Variants in SHISA6 observed in about 807,000 individuals in gnomAD.
The protein encoded by SHISA6 is shisa family member 6.
Under a neutral mutation model 47.9 loss-of-function variants are expected in SHISA6, and 22 were observed. That is an observed-to-expected ratio of 0.46 (90% CI 0.33 to 0.66). The LOEUF (loss-of-function observed/expected upper bound fraction) is 0.66. SHISA6 is among the 30% of genes least tolerant of loss of function. The pLI is 0.02. For synonymous variants in SHISA6, 388 were observed against 337.8 expected, an observed-to-expected ratio of 1.15 and a Z score of -1.63; for missense variants, 680 against 764.6, an observed-to-expected ratio of 0.89 and a Z score of 1.30.
rs569085855 is a variant in SHISA6 at position 11,535,883 on chromosome 17, C to G, written c.896-16013C>G. 7.4e-3 allele frequency among the ~76,000 whole-genome samples: 658 copies of G among 88,956 alleles called. 7 individuals carry two copies. The highest frequency in any genetic ancestry group is 0.036 in the African/African-American group (642 of 17,818). The allele number at this position is 88,956 out of a possible 152,430, so 58.4% of individuals were successfully genotyped here. A position where few individuals can be genotyped will look rare whatever the true frequency, so the allele number is the denominator to read the frequency against. On this transcript the variant is annotated intron_variant, in intron 3 of 5. Transcript: ENST00000441885. The stretch of plus-strand genomic sequence containing the variant: ...AAAACAACAGTAGCTGATGGGAAAA[C>G]AATGTGTGTGTGTGTGTGTGTGTGG...
At chr17:11,369,552 C>A (rs1242806351) in intron 2 of SHISA6, among the ~76,000 whole-genome samples, 1 of 152,226 alleles carries the variant, frequency 6.6e-6, no homozygotes, top group African/African-American at 2.4e-5. Context: ...GCTAACACAC[C>A]ATGCATCTGC....
chr17:11,431,348 T>G (rs1914767062), intron 3 of SHISA6, among the ~76,000 whole-genome samples: 1 of 152,146 alleles, frequency 6.6e-6, no homozygotes, highest in African/African-American at 2.4e-5. Context: ...GAGCTGCCCT[T>G]TATGGCTCTG....
intron 2 of SHISA6, among the ~76,000 whole-genome samples, chr17:11,334,326 GA>G (rs750779559): frequency 7.3e-5 from 11 of 149,818 alleles, no homozygotes; most frequent in African/African-American, 2.2e-4. Context: ...TTGATGTAAG[GA>G]AAAAAAAAAT....
intron 2 of SHISA6, among the ~76,000 whole-genome samples, chr17:11,333,730 G>T (rs1416183402): frequency 6.6e-6 from 1 of 152,076 alleles, no homozygotes; most frequent in African/African-American, 2.4e-5. Flanking sequence ...GGCCAGGCTG[G>T]TCTCAAACTC....
At chr17:11,481,814 G>T (rs1916231718) in intron 3 of SHISA6, among the ~76,000 whole-genome samples, 1 of 151,846 alleles carries the variant, frequency 6.6e-6, no homozygotes, top group Non-Finnish European at 1.5e-5. Context: ...TTAAGAGCAT[G>T]GTAGGTTAAG....
chr17:11,256,791 TTAATG>T (rs1459721991), intron 1 of SHISA6, among the ~76,000 whole-genome samples: 8 of 152,216 alleles, frequency 5.3e-5, no homozygotes, highest in African/African-American at 1.9e-4. Context: ...TTTCATATGA[TTAATG>T]TAAGGAACGG....
intron 1 of SHISA6, among the ~76,000 whole-genome samples, chr17:11,247,298 C>T (rs1907629437): frequency 6.6e-6 from 1 of 152,186 alleles, no homozygotes; most frequent in African/African-American, 2.4e-5. Context: ...AAGCTTCATG[C>T]TTCCAGTTCC....
chr17:11,298,908 G>A (rs547700569), intron 2 of SHISA6, among the ~76,000 whole-genome samples: 1 of 152,334 alleles, frequency 6.6e-6, no homozygotes, highest in East Asian at 1.9e-4. Flanking sequence ...GTGGACTGAT[G>A]TTAGAGGTAG....
At chr17:11,449,462 G>GA (rs893766693) in intron 3 of SHISA6, among the ~76,000 whole-genome samples, 3 of 150,868 alleles carry the variant, frequency 2.0e-5, no homozygotes, top group Non-Finnish European at 3.0e-5. Context: ...AAAAGAAAAA[G>GA]AAAAAAAAGA....
intron 2 of SHISA6, among the ~76,000 whole-genome samples, chr17:11,307,511 T>C (rs1910164884): frequency 6.6e-6 from 1 of 152,200 alleles, no homozygotes; most frequent in Non-Finnish European, 1.5e-5. Context: ...CAGACGTGGC[T>C]CACAGTACTC....
At chr17:11,420,888 T>C (rs1914434695) in intron 3 of SHISA6, among the ~76,000 whole-genome samples, 2 of 152,202 alleles carry the variant, frequency 1.3e-5, no homozygotes, top group Admixed American at 6.5e-5. Context: ...CCAGCTTCCA[T>C]AGCAGGAGGT....
At chr17:11,506,149 T>C (rs908164622) in intron 3 of SHISA6, among the ~76,000 whole-genome samples, 2 of 152,170 alleles carry the variant, frequency 1.3e-5, no homozygotes, top group African/African-American at 4.8e-5. Context: ...GAAAATTCAT[T>C]CTCTGAGTGA....
At chr17:11,525,640 AAAAAAAAAAAAC>A (rs1401928833) in intron 3 of SHISA6, among the ~76,000 whole-genome samples, 40 of 104,288 alleles carry the variant, frequency 3.8e-4, no homozygotes, top group Non-Finnish European at 5.2e-4. Flanking sequence ...TCAAAAAAAA[AAAAAAAAAAAAC>A]AAAAAAAAAA....
At chr17:11,448,807 CAA>C (rs141647970) in intron 3 of SHISA6, among the ~76,000 whole-genome samples, 6,845 of 152,162 alleles carry the variant, frequency 0.045, 173 homozygotes, top group African/African-American at 0.065. Flanking sequence ...GCCTGGGTGA[CAA>C]GAGCAAAACT....
chr17:11,344,601 C>G (rs762525418), intron 2 of SHISA6, among the ~76,000 whole-genome samples: 4 of 152,062 alleles, frequency 2.6e-5, no homozygotes, highest in African/African-American at 4.8e-5. Flanking sequence ...TTTCTGGACT[C>G]TCTTGCCTAT....
chr17:11,441,861 C>A (rs185080848), intron 3 of SHISA6, among the ~76,000 whole-genome samples: 1 of 152,216 alleles, frequency 6.6e-6, no homozygotes, highest in African/African-American at 2.4e-5. Context: ...TTGAAACTTC[C>A]AAGGGGGCCT....
chr17:11,532,603 A>G (rs897195216), intron 3 of SHISA6, among the ~76,000 whole-genome samples: 1 of 152,212 alleles, frequency 6.6e-6, no homozygotes, highest in Non-Finnish European at 1.5e-5. Context: ...CAGTTTAAGC[A>G]TACACAATTC....
intron 3 of SHISA6, among the ~76,000 whole-genome samples, chr17:11,401,407 C>T (rs1913768151): frequency 6.6e-6 from 1 of 152,190 alleles, no homozygotes; most frequent in Non-Finnish European, 1.5e-5. Flanking sequence ...CCATGTTGCC[C>T]AGGCTGGCCT....
intron 2 of SHISA6, among the ~76,000 whole-genome samples, chr17:11,341,078 A>G (rs895515726): frequency 4.6e-5 from 7 of 152,192 alleles, no homozygotes. Flanking sequence ...CACCTTCTGA[A>G]GAAAAGTTCT....
Sources: allele counts gnomAD v4.1 joint callset (sites outside exome capture counted in the v4.1 genomes callset), GRCh38; gene constraint gnomAD v4.1.1; transcripts MANE v1.5; gene names NCBI Gene and HGNC (gene_info 2026-07-23, HGNC 2026-07-21).